ATXN2L: variants seen among roughly 807,000 people sequenced by gnomAD.
ATXN2L encodes the protein ataxin-2-like protein.
Under a neutral mutation model 120.7 loss-of-function variants are expected in ATXN2L, and 24 were observed. The observed-to-expected ratio is 0.20, with a 90% CI of 0.14 to 0.28. The LOEUF (loss-of-function observed/expected upper bound fraction) is 0.28. ATXN2L is among the 10% of genes least tolerant of loss of function. ATXN2L has a pLI of 1.00. For synonymous variants in ATXN2L, 653 were observed against 568.1 expected (o/e 1.15, Z -2.13); for missense variants, 1,312 against 1,432.3 (o/e 0.92, Z 1.36).
chr16:28,832,505 T>C lies in ATXN2L; in HGVS notation c.1526T>C (p.Leu509Pro). 1 of 1,614,150 alleles carries C rather than the reference T, an allele frequency of 6.2e-7. No homozygotes were observed. Among genetic ancestry groups the C allele is most frequent in the Non-Finnish European group, 8.5e-7 (1 of 1,180,008 alleles). Residue 509 changes from leucine to proline, a missense_variant, in exon 12 of 22, where the codon CTC becomes CCC. Transcript: ENST00000336783. ...ISLAPTDVKE[L>P]STKEPGRTLE... ...CTCTTTACTTGAACAGTAAAAGAAC[T>C]CTCTACCAAGGAACCTGGGAGAACT...
In ATXN2L at chr16:28,835,768, C is replaced by T. The variant is rs373822339; in HGVS notation, c.2895+10C>T. On this transcript the variant is annotated intron_variant, in intron 21 of 21. Transcript: ENST00000336783. ...GGCCCATGTTACCCAGGTAAGAGCC[C>T]AGCTGTCCCACTTCTGGGTCTGTTT... is the stretch of plus-strand genomic sequence containing the variant. 3.7e-6 allele frequency: 6 copies of T among 1,613,884 alleles called. No individual in the cohort carries two copies. Among genetic ancestry groups the T allele is most frequent in the Admixed American group, 1.7e-5 (1 of 59,994 alleles).
intron 10 of ATXN2L, 109 bp from the exon 11 acceptor site, chr16:28,832,096 T>C (rs572651365): frequency 2.5e-6 from 3 of 1,190,162 alleles, no homozygotes; most frequent in East Asian, 2.5e-5. Flanking sequence ...TTTAAGTTGG[T>C]GACTCTGGTT....
chr16:28,832,276 C>G lies in ATXN2L; in HGVS notation c.1393C>G (p.Pro465Ala). 2 of 1,614,168 alleles carry G rather than the reference C, an allele frequency of 1.2e-6. No individual in the cohort carries two copies. Among genetic ancestry groups the G allele is most frequent in the Non-Finnish European group, 1.7e-6 (2 of 1,180,044 alleles). Residue 465 changes from proline (P) to alanine (A), a missense_variant, in exon 11 of 22, where the codon CCT becomes GCT. Pro to Ala is a conservative substitution (Grantham distance 27). Transcript: ENST00000336783. ...CCCAATCTCAGCTTCCTGTCCAGAG[C>G]CTCCCATCGGCTCGGCAGTGCCAAC... The part of the protein sequence containing the change: ...PAPISASCPE[P>A]PIGSAVPTSS...
intron 1 of ATXN2L, chr16:28,823,873 C>T (rs2050579633): frequency 9.9e-6 from 3 of 303,406 alleles, no homozygotes; most frequent in Non-Finnish European, 1.2e-5. Flanking sequence ...AGGAGCTGAT[C>T]GGGGTCCCCG....
At position 28,823,430 on chromosome 16, in the gene ATXN2L, C is replaced by G. The variant is rs2050308214; in HGVS notation, c.171C>G (p.Pro57=). 2 of 1,309,452 alleles carry G rather than the reference C, an allele frequency of 1.5e-6. No homozygotes were observed. The highest frequency in any genetic ancestry group is 3.1e-5 in the East Asian group (1 of 32,050). 81.1% of individuals were successfully genotyped at this position (1,309,452 alleles called of 1,614,324 possible). A position where few individuals can be genotyped will look rare whatever the true frequency, so the allele number is the denominator to read the frequency against. ...APPGPPAAAS[P]CLGPVAAAGS... The stretch of plus-strand genomic sequence containing the variant: ...CCGGGCCTCCAGCGGCCGCCTCCCC[C>G]TGCCTGGGGCCTGTGGCCGCTGCCG... Residue 57 remains proline, a synonymous_variant, in exon 1 of 22, where the codon CCC becomes CCG. Transcript: ENST00000336783.
In ATXN2L at chr16:28,833,211, G is replaced by A. The variant is rs530848548; in HGVS notation, c.1812G>A (p.Ser604=). The A allele has an allele frequency of 4.1e-5, 66 of 1,614,198 alleles. No individual in the cohort carries two copies. The highest frequency in any genetic ancestry group is 4.7e-5 in the Non-Finnish European group (56 of 1,180,046). The change falls in exon 14 of 22, where the codon TCG becomes TCA. Residue 604 remains serine, a synonymous_variant. Coordinates refer to ENST00000336783, the MANE Select transcript of ATXN2L (RefSeq NM_007245.4). ...TCTCCTCCAAGACAGAGTCCGTATC[G>A]GATAAGGAGGACAAACCACCCCTGG... ...SPVSSKTESV[S]DKEDKPPLAP... is the part of the protein sequence containing the mutation.
chr16:28,835,498 G>A, intron 20 of ATXN2L, 51 bp from the exon 21 acceptor site: 2 of 1,610,526 alleles, frequency 1.2e-6, no homozygotes, highest in Non-Finnish European at 1.7e-6. Flanking sequence ...GAGGACTGGG[G>A]GCCAGCGAGT....
At position 28,836,730 on chromosome 16, in the gene ATXN2L, C is replaced by G; in HGVS notation, c.*465C>G. 1 of 1,613,992 alleles carries G rather than the reference C, an allele frequency of 6.2e-7. No individual in the cohort carries two copies. The highest frequency in any genetic ancestry group is 1.1e-5 in the South Asian group (1 of 91,068). ...TCTTCTCTTTCCCCTCCAACCAGTTCAATCTCATCCCTCCCAGCAGCTCCC... is the reference window on the plus strand; with the variant it reads ...TCTTCTCTTTCCCCTCCAACCAGTTGAATCTCATCCCTCCCAGCAGCTCCC... On this transcript the variant is annotated 3_prime_UTR_variant, in exon 22 of 22. Coordinates refer to ENST00000336783, the MANE Select transcript of ATXN2L (RefSeq NM_007245.4).
rs1159109184 is a variant in ATXN2L, at chr16:28,826,035, A to C, written c.465+194A>C. On this transcript the variant is annotated intron_variant, in intron 4 of 21. Coordinates refer to ENST00000336783, the MANE Select transcript of ATXN2L (RefSeq NM_007245.4). The stretch of plus-strand genomic sequence containing the variant: ...CTTTAATGTTAAAATATTTAAGTTT[A>C]AATTTTTGTGAGACTTTTGCTAAGT... The C allele has an allele frequency of 1.2e-5, 10 of 843,404 alleles. No homozygotes were observed. In the Admixed American group the frequency reaches 2.3e-4, roughly 20 times the overall value. 52.2% of individuals were successfully genotyped at this position (843,404 alleles called of 1,614,324 possible). A position where few individuals can be genotyped will look rare whatever the true frequency, so the allele number is the denominator to read the frequency against.
intron 13 of ATXN2L, 54 bp downstream of exon 13, chr16:28,832,941 C>T (rs896604635): frequency 2.5e-6 from 4 of 1,603,902 alleles, no homozygotes; most frequent in African/African-American, 2.7e-5. Flanking sequence ...GGGAGTGGTT[C>T]GTAGATGAGG....
In ATXN2L at chr16:28,825,639, TACA is replaced by T; in HGVS notation, c.357_359del (p.Asn120del). 6.2e-7 allele frequency: 1 copy of T among 1,614,212 alleles called. No individual in the cohort carries two copies. Among genetic ancestry groups the T allele is most frequent in the Non-Finnish European group, 8.5e-7 (1 of 1,180,002 alleles). ...TAACTGACAGGTGTTTGAAGGCGTCTACAACAATTCCAGAATGCTGCATTTCCT... is the reference window on the plus strand; with the variant it reads ...TAACTGACAGGTGTTTGAAGGCGTCTACAATTCCAGAATGCTGCATTTCCT... On this transcript the variant is annotated inframe_deletion, in exon 3 of 22. Coordinates refer to ENST00000336783, the MANE Select transcript of ATXN2L (RefSeq NM_007245.4).
chr16:28,825,729 A>G (rs1218184583), intron 3 of ATXN2L, 41 bp from the exon 4 acceptor site: 4 of 1,613,294 alleles, frequency 2.5e-6, no homozygotes, highest in South Asian at 2.2e-5. Flanking sequence ...TAATGCATCT[A>G]CTTTCTGGAG....
At chr16:28,827,775 C>CG (rs2052715503) in intron 6 of ATXN2L, among the ~76,000 whole-genome samples, 1 of 151,956 alleles carries the variant, frequency 6.6e-6, no homozygotes, top group African/African-American at 2.4e-5. Context: ...TAGAGCTGAG[C>CG]GTGGTGGTCC....
intron 1 of ATXN2L, among the ~76,000 whole-genome samples, chr16:28,824,949 C>G (rs556525520): frequency 6.6e-6 from 1 of 152,032 alleles, no homozygotes; most frequent in Admixed American, 6.6e-5. Flanking sequence ...TGGCTCACGC[C>G]TGTAATGCCA....
intron 5 of ATXN2L, 30 bp downstream of exon 5, chr16:28,826,420 G>C: frequency 1.2e-6 from 2 of 1,609,288 alleles, no homozygotes; most frequent in Non-Finnish European, 1.7e-6. Flanking sequence ...CCTCAGACCT[G>C]CTCTGTGTGC....
chr16:28,825,918 A>T (rs887529451), intron 4 of ATXN2L, 77 bp downstream of exon 4: 6 of 1,353,054 alleles, frequency 4.4e-6, no homozygotes. Flanking sequence ...GAAGGTGTCA[A>T]TTGGGTGATG....
chr16:28,827,084 C>T, intron 6 of ATXN2L, 98 bp downstream of exon 6: 1 of 1,199,180 alleles, frequency 8.3e-7, no homozygotes. Flanking sequence ...TTTACTGTTG[C>T]CCATTGATGG....
intron 1 of ATXN2L, among the ~76,000 whole-genome samples, chr16:28,824,963 C>T (rs1237495964): frequency 6.6e-6 from 1 of 151,812 alleles, no homozygotes; most frequent in Non-Finnish European, 1.5e-5. Flanking sequence ...AATGCCAGCA[C>T]TTTAGGAGGC....
intron 6 of ATXN2L, among the ~76,000 whole-genome samples, chr16:28,828,375 T>G (rs1465950610): frequency 6.6e-6 from 1 of 152,004 alleles, no homozygotes. Flanking sequence ...TCACCTGAGG[T>G]TGGGAGTTTG....
Sources: allele counts gnomAD v4.1 joint callset (sites outside exome capture counted in the v4.1 genomes callset), GRCh38; gene constraint gnomAD v4.1.1; transcripts MANE v1.5; gene names NCBI Gene and HGNC (gene_info 2026-07-23, HGNC 2026-07-21).